PROS1: variants seen among roughly 807,000 people sequenced by gnomAD.
The protein encoded by PROS1 is protein S, also known as vitamin K-dependent protein S.
A neutral mutation model predicts 75.9 loss-of-function variants in PROS1; 29 were observed. That is an observed-to-expected ratio of 0.38 (90% CI 0.28 to 0.52). The LOEUF (loss-of-function observed/expected upper bound fraction) is 0.52. Among genes scored for constraint, PROS1 ranks in the 20% least tolerant of loss-of-function variants. The pLI, the probability that PROS1 is intolerant of heterozygous loss-of-function variation, is 0.83. For synonymous variants in PROS1, 245 were observed against 280.6 expected, an observed-to-expected ratio of 0.87 and a Z score of 1.27; for missense variants, 680 against 810.3, an observed-to-expected ratio of 0.84 and a Z score of 1.95.
chr3:93,884,636 T>C, intron 12 of PROS1, 92 bp downstream of exon 12: 2 of 1,383,638 alleles, frequency 1.4e-6, no homozygotes. Flanking sequence ...CAGTAGATAC[T>C]CAATAATGTT....
chr3:93,875,054 T>C (rs1164115313), intron 14 of PROS1, among the ~76,000 whole-genome samples: 2 of 151,888 alleles, frequency 1.3e-5, no homozygotes, highest in African/African-American at 4.8e-5. Flanking sequence ...CAGTACCTTA[T>C]GCCAAAAAAA....
chr3:93,952,594 T>C (rs1008841873), intron 1 of PROS1, among the ~76,000 whole-genome samples: 4 of 152,094 alleles, frequency 2.6e-5, no homozygotes, highest in African/African-American at 9.7e-5. Flanking sequence ...TAGAGGGAAA[T>C]TTATAGAACT....
At chr3:93,961,539 G>T (rs1218220213) in intron 1 of PROS1, among the ~76,000 whole-genome samples, 3 of 152,160 alleles carry the variant, frequency 2.0e-5, no homozygotes, top group African/African-American at 7.2e-5. Flanking sequence ...TCTCAACCAT[G>T]ACCAACCCAT....
chr3:93,959,896 A>G (rs1478350613), intron 1 of PROS1, among the ~76,000 whole-genome samples: 1 of 152,228 alleles, frequency 6.6e-6, no homozygotes, highest in Admixed American at 6.5e-5. Context: ...ACTCAGTGTA[A>G]TAATACTAAG....
chr3:93,943,901 T>C (rs540889783), intron 1 of PROS1, among the ~76,000 whole-genome samples: 2 of 152,250 alleles, frequency 1.3e-5, no homozygotes, highest in African/African-American at 4.8e-5. Context: ...AGAACAACCC[T>C]TTTGACTGTA....
intron 4 of PROS1, among the ~76,000 whole-genome samples, chr3:93,910,017 A>G (rs1399392461): frequency 1.3e-5 from 2 of 152,234 alleles, no homozygotes; most frequent in Non-Finnish European, 2.9e-5. Flanking sequence ...AGAAAAACAC[A>G]GTTAAAAGAA....
In PROS1 at chr3:93,927,381, C is replaced by G; in HGVS notation, c.103G>C (p.Val35Leu). Residue 35 changes from valine to leucine, a missense_variant, in exon 2 of 15, where the codon GTC becomes CTC. Val to Leu is a conservative substitution (Grantham distance 32). Transcript: ENST00000394236. ...TTTGCACGACGCTTCCTAACCAGGA[C>G]TTGTGAAGCCTGTTGCTTTGACAAA... Reference protein sequence around the residue: ...NFLSKQQASQVLVRKRRANSL... With the variant: ...NFLSKQQASQLLVRKRRANSL... 1 of 1,614,110 alleles carries G rather than the reference C, an allele frequency of 6.2e-7. No homozygotes were observed. Among genetic ancestry groups the G allele is most frequent in the Non-Finnish European group, 8.5e-7 (1 of 1,180,024 alleles).
At chr3:93,908,866 G>T (rs1222023105) in intron 4 of PROS1, among the ~76,000 whole-genome samples, 2 of 152,142 alleles carry the variant, frequency 1.3e-5, no homozygotes, top group Non-Finnish European at 2.9e-5. Context: ...AAGAAGCAAA[G>T]AAAATCCAGG....
intron 1 of PROS1, among the ~76,000 whole-genome samples, chr3:93,935,220 T>A (rs894992283): frequency 6.6e-6 from 1 of 152,170 alleles, no homozygotes; most frequent in Non-Finnish European, 1.5e-5. Context: ...CTCTATTTTT[T>A]TTCTCCTGAC....
intron 1 of PROS1, among the ~76,000 whole-genome samples, chr3:93,943,946 C>T (rs958640867): frequency 4.6e-5 from 7 of 152,172 alleles, no homozygotes; most frequent in Admixed American, 3.9e-4. Context: ...TATAAAATGG[C>T]CCCACACCTA....
chr3:93,930,117 A>C (rs1483211638), intron 1 of PROS1, among the ~76,000 whole-genome samples: 3 of 152,214 alleles, frequency 2.0e-5, no homozygotes, highest in Non-Finnish European at 4.4e-5. Flanking sequence ...GTAATGGATA[A>C]ATAAATAAAT....
At chr3:93,950,141 G>A (rs775864371) in intron 1 of PROS1, among the ~76,000 whole-genome samples, 9 of 152,158 alleles carry the variant, frequency 5.9e-5, no homozygotes, top group African/African-American at 1.2e-4. Flanking sequence ...GGGGAAGCGC[G>A]TCTGCCATTG....
At chr3:93,947,237 A>T (rs186487534) in intron 1 of PROS1, among the ~76,000 whole-genome samples, 13 of 152,276 alleles carry the variant, frequency 8.5e-5, no homozygotes, top group Admixed American at 2.6e-4. Context: ...TGTGAACTAG[A>T]TCAACCATTG....
At chr3:93,928,013 T>TATATA (rs1709053137) in intron 1 of PROS1, among the ~76,000 whole-genome samples, 47 of 9,674 alleles carry the variant, frequency 4.9e-3, no homozygotes, top group African/African-American at 8.0e-3. Context: ...ATATATATAT[T>TATATA]TTTTTTTTTT....
chr3:93,925,565 A>G (rs780805636), intron 2 of PROS1, among the ~76,000 whole-genome samples: 1 of 152,082 alleles, frequency 6.6e-6, no homozygotes, highest in Non-Finnish European at 1.5e-5. Flanking sequence ...CAGAGGGATC[A>G]CTGTGGTCAC....
At chr3:93,949,244 C>A (rs1228055530) in intron 1 of PROS1, among the ~76,000 whole-genome samples, 1 of 152,174 alleles carries the variant, frequency 6.6e-6, no homozygotes, top group East Asian at 1.9e-4. Context: ...TATATTGAAG[C>A]CAGACCCGAA....
chr3:93,946,624 T>A (rs919969906), intron 1 of PROS1, among the ~76,000 whole-genome samples: 10 of 152,166 alleles, frequency 6.6e-5, no homozygotes, highest in African/African-American at 2.4e-4. Flanking sequence ...TGAAACTGGA[T>A]CCCTTCCTTA....
chr3:93,943,455 C>T (rs1386931913), intron 1 of PROS1, among the ~76,000 whole-genome samples: 1 of 152,026 alleles, frequency 6.6e-6, no homozygotes, highest in South Asian at 2.1e-4. Flanking sequence ...CCATTCTATA[C>T]AACCAATGTC....
chr3:93,878,302 A>C (rs1469241062), intron 13 of PROS1, among the ~76,000 whole-genome samples: 1 of 152,214 alleles, frequency 6.6e-6, no homozygotes, highest in Non-Finnish European at 1.5e-5. Flanking sequence ...AAAACAAAAA[A>C]AAACTCATCA....
Sources: gnomAD v4.1 joint callset for allele counts (sites outside exome capture counted in the v4.1 genomes callset) on GRCh38, gnomAD v4.1.1 for gene constraint, MANE v1.5 for transcripts, NCBI Gene and HGNC (gene_info 2026-07-23, HGNC 2026-07-21) for gene names.